ABCA4: variants seen among roughly 807,000 people sequenced by gnomAD.
The protein encoded by ABCA4 is ATP binding cassette subfamily A member 4, also known as retinal-specific phospholipid-transporting ATPase ABCA4.
In ABCA4, 196 loss-of-function variants were observed where a neutral mutation model predicts 263.7. The observed-to-expected ratio is 0.74, with a 90% CI of 0.66 to 0.84. The LOEUF (loss-of-function observed/expected upper bound fraction) is 0.84. Among genes scored for constraint, ABCA4 ranks in the 40% least tolerant of loss-of-function variants. The probability of loss-of-function intolerance (pLI) is 0.00; values close to 1 mark genes in which losing one functional copy is unlikely to be tolerated. For synonymous variants in ABCA4, 1,133 were observed against 1,094.2 expected (o/e 1.04, Z -0.70); for missense variants, 2,792 against 2,855.1 (o/e 0.98, Z 0.50).
intron 3 of ABCA4, among the ~76,000 whole-genome samples, chr1:94,111,184 C>T (rs1662589903): frequency 6.6e-6 from 1 of 152,238 alleles, no homozygotes; most frequent in South Asian, 2.1e-4. Flanking sequence ...CATCAGACTC[C>T]AGGTCACATT....
intron 40 of ABCA4, among the ~76,000 whole-genome samples, chr1:94,009,497 T>G (rs1659488761): frequency 6.6e-6 from 1 of 152,142 alleles, no homozygotes. Flanking sequence ...ACTTACCTCT[T>G]GCACTAACTC....
intron 9 of ABCA4, among the ~76,000 whole-genome samples, 156 bp downstream of exon 9, chr1:94,079,166 T>C (rs962381971): frequency 2.6e-5 from 4 of 152,082 alleles, no homozygotes; most frequent in Non-Finnish European, 5.9e-5. Context: ...ATTCCAGTGA[T>C]GACTGTGGAT....
chr1:94,028,197 C>T (rs921333150), intron 30 of ABCA4, among the ~76,000 whole-genome samples: 8 of 152,210 alleles, frequency 5.3e-5, no homozygotes, highest in Non-Finnish European at 7.3e-5. Context: ...CACTGAACTG[C>T]ATAGCCTGTT....
At position 94,047,039 on chromosome 1, in the gene ABCA4, T is replaced by A. The variant is rs527236129; in HGVS notation, c.2798A>T (p.Asn933Ile). Residue 933 changes from asparagine to isoleucine, a missense_variant, in exon 19 of 50, where the codon AAT becomes ATT. Physicochemically the swap from Asn to Ile is moderately radical, Grantham distance 149 (BLOSUM62 -3). Coordinates refer to ENST00000370225, the MANE Select transcript of ABCA4 (RefSeq NM_000350.3). Reference sequence around the variant, plus strand: ...ACAGGGCTCAAAAATCTTTACCAGATTCTTCACGCATACCCCAGGAACCCA... The same window carrying A: ...ACAGGGCTCAAAAATCTTTACCAGAATCTTCACGCATACCCCAGGAACCCA... ...PGWVPGVCVK[N>I]LVKIFEPCGR... The A allele has an allele frequency of 1.2e-6, 2 of 1,614,184 alleles. No homozygotes were observed. The highest frequency in any genetic ancestry group is 4.5e-5 in the East Asian group (2 of 44,882).
chr1:94,109,238 T>A (rs1570431434), intron 3 of ABCA4, among the ~76,000 whole-genome samples: 1 of 152,190 alleles, frequency 6.6e-6, no homozygotes, highest in African/African-American at 2.4e-5. Context: ...TTTGGCAGGG[T>A]CTGCTCGCCT....
rs955581838 is a variant in ABCA4, at chr1:94,014,570, G to T, written c.5433C>A (p.Phe1811Leu). 4 of 1,614,084 alleles carry T rather than the reference G, an allele frequency of 2.5e-6. No individual in the cohort carries two copies. The Admixed American group carries it at 6.7e-5, about 27-fold the overall frequency. The stretch of plus-strand genomic sequence containing the variant: ...GGTTATTCTCAAATAATTCCAAGAT[G>T]AAGGTAATAGCACTGCTGTTGATGC... The part of the protein sequence containing the change: ...FIGINSSAIT[F>L]ILELFENNRT... Residue 1811 changes from phenylalanine to leucine, a missense_variant, in exon 38 of 50, where the codon TTC becomes TTA. Transcript: ENST00000370225.
At chr1:94,048,288 G>C in intron 18 of ABCA4, among the ~76,000 whole-genome samples, 1 of 150,162 alleles carries the variant, frequency 6.7e-6, no homozygotes, top group East Asian at 2.4e-4. Flanking sequence ...GAGAAATACA[G>C]AACTAGTTTA....
At chr1:94,045,713 CAG>C (rs1557779799) in intron 19 of ABCA4, 1 of 455,758 alleles carries the variant, frequency 2.2e-6, no homozygotes, top group Non-Finnish European at 4.4e-6. Flanking sequence ...TAGAGGGAAA[CAG>C]AACCAATTAG....
rs1341429068 is a variant in ABCA4, at chr1:94,106,746, C to G, written c.442+1831G>C. On this transcript the variant is annotated intron_variant, in intron 4 of 49. Coordinates refer to ENST00000370225, the MANE Select transcript of ABCA4 (RefSeq NM_000350.3). ...CAATCTGGTCATACGCCTGTCCTTTCTCACTTGGATGGGGAGAGAGGGCTT... is the reference window on the plus strand; with the variant it reads ...CAATCTGGTCATACGCCTGTCCTTTGTCACTTGGATGGGGAGAGAGGGCTT... 2.0e-5 allele frequency among the ~76,000 whole-genome samples: 3 copies of G among 152,214 alleles called. No individual in the cohort carries two copies. The East Asian group carries it at 5.8e-4, about 29-fold the overall frequency.
intron 17 of ABCA4, 119 bp downstream of exon 17, chr1:94,051,514 C>T: frequency 1.1e-6 from 1 of 909,542 alleles, no homozygotes; most frequent in Non-Finnish European, 1.8e-6. Flanking sequence ...CAGGAGGCAG[C>T]TGACTCATCA....
At chr1:94,027,465 C>A (rs1660073654) in intron 30 of ABCA4, among the ~76,000 whole-genome samples, 1 of 152,136 alleles carries the variant, frequency 6.6e-6, no homozygotes, top group Non-Finnish European at 1.5e-5. Flanking sequence ...GACAGCAAAG[C>A]AAACAAGCAA....
chr1:94,019,160 C>A (rs1002827920), intron 36 of ABCA4, among the ~76,000 whole-genome samples: 1 of 151,122 alleles, frequency 6.6e-6, no homozygotes, highest in Non-Finnish European at 1.5e-5. Context: ...GACCCTACCA[C>A]AGGGAAAGTT....
Position 94,019,719 on chromosome 1 carries a change from T to C in ABCA4, c.5059A>G (p.Ile1687Val), listed in dbSNP as rs201996979. 13 of 1,613,256 alleles carry C rather than the reference T, an allele frequency of 8.1e-6. No homozygotes were observed. Among genetic ancestry groups the C allele is most frequent in the Non-Finnish European group, 1.1e-5 (13 of 1,179,818 alleles). The change falls in exon 36 of 50, where the codon ATT becomes GTT. Residue 1687 changes from isoleucine (I) to valine (V), a missense_variant. Physicochemically the swap from Ile to Val is conservative, Grantham distance 29 (BLOSUM62 3). Transcript: ENST00000370225. ...SVDAVVAICV[I>V]FSMSFVPASF... ...GCTGGGACGAAGGACATGGAGAAAA[T>C]CACGCAGATGGCAACCACAGCATCC...
chr1:94,063,245 C>T lies in ABCA4; in HGVS notation c.1627G>A (p.Glu543Lys), dbSNP rs749347970. The T allele has an allele frequency of 6.2e-7, 1 of 1,614,108 alleles. No individual in the cohort carries two copies. Among genetic ancestry groups the T allele is most frequent in the Non-Finnish European group, 8.5e-7 (1 of 1,180,026 alleles). The change falls in exon 12 of 50, where the codon GAG (glutamate) becomes AAG (lysine). Residue 543 changes from glutamate (E) to lysine (K), a missense_variant. Coordinates refer to ENST00000370225, the MANE Select transcript of ABCA4 (RefSeq NM_000350.3). ...QLTQRALSLL[E>K]ENMFWAGVVF... ...ACTCCGGCCCAGAACATGTTTTCCT[C>T]CAGTAGAGAGAGGGCACGTTGGGTG...
At chr1:94,051,537 T>C in intron 17 of ABCA4, 96 bp downstream of exon 17, 1 of 1,145,512 alleles carries the variant, frequency 8.7e-7, no homozygotes. Context: ...AATCACACCG[T>C]TTACATAGAG....
intron 36 of ABCA4, among the ~76,000 whole-genome samples, chr1:94,018,039 A>C (rs1659785559): frequency 6.6e-6 from 1 of 152,196 alleles, no homozygotes; most frequent in African/African-American, 2.4e-5. Context: ...CAGCTTTAAA[A>C]TTCTGGAGCA....
At chr1:94,083,493 A>G in intron 6 of ABCA4, 52 bp from the exon 7 acceptor site, 1 of 1,369,090 alleles carries the variant, frequency 7.3e-7, no homozygotes, top group Non-Finnish European at 1.0e-6. Context: ...TTGTAGGTAT[A>G]TACACACATA....
intron 13 of ABCA4, chr1:94,061,239 C>A: frequency 4.9e-6 from 1 of 204,696 alleles, no homozygotes; most frequent in Non-Finnish European, 1.0e-5. Context: ...AAGGTCAAAC[C>A]CTAGTTACAC....
At chr1:94,057,744 C>G (rs972127754) in intron 14 of ABCA4, among the ~76,000 whole-genome samples, 1 of 152,182 alleles carries the variant, frequency 6.6e-6, no homozygotes, top group African/African-American at 2.4e-5. Context: ...AAACTAGCAA[C>G]TTTTGCTAGG....
Sources: allele counts gnomAD v4.1 joint callset (sites outside exome capture counted in the v4.1 genomes callset), GRCh38; gene constraint gnomAD v4.1.1; transcripts MANE v1.5; gene names NCBI Gene and HGNC (gene_info 2026-07-23, HGNC 2026-07-21).